CNTNAP2: variants seen among roughly 807,000 people sequenced by gnomAD.
The protein encoded by CNTNAP2 is contactin-associated protein-like 2.
In CNTNAP2, 98 loss-of-function variants were observed where a neutral mutation model predicts 155.2. The observed-to-expected ratio is 0.63, with a 90% CI of 0.54 to 0.75. The LOEUF (loss-of-function observed/expected upper bound fraction) is 0.75. Ranked by LOEUF, CNTNAP2 falls within the 30% of genes least tolerant of loss-of-function variation. The probability of loss-of-function intolerance (pLI) is 0.00; values close to 1 mark genes in which losing one functional copy is unlikely to be tolerated. For synonymous variants in CNTNAP2, 651 were observed against 631.2 expected, an observed-to-expected ratio of 1.03 and a Z score of -0.47; for missense variants, 1,727 against 1,688.1, an observed-to-expected ratio of 1.02 and a Z score of -0.40.
intron 4 of CNTNAP2, among the ~76,000 whole-genome samples, chr7:147,069,417 G>T (rs959781185): frequency 3.9e-5 from 6 of 152,176 alleles, no homozygotes; most frequent in African/African-American, 1.4e-4. Context: ...AGAAGAAGGG[G>T]ATTATACAGG....
At chr7:146,153,628 GC>G (rs1192503395) in intron 1 of CNTNAP2, among the ~76,000 whole-genome samples, 11 of 152,088 alleles carry the variant, frequency 7.2e-5, no homozygotes, top group African/African-American at 1.9e-4. Flanking sequence ...CATATGGAGG[GC>G]CTAATGAAGG....
intron 3 of CNTNAP2, among the ~76,000 whole-genome samples, chr7:146,912,266 T>G (rs1301544003): frequency 6.7e-6 from 1 of 150,270 alleles, no homozygotes; most frequent in East Asian, 1.9e-4. Flanking sequence ...GCATTAAAAA[T>G]ACATGTAACC....
intron 20 of CNTNAP2, among the ~76,000 whole-genome samples, chr7:148,234,876 C>T (rs1265187129): frequency 6.6e-6 from 1 of 152,170 alleles, no homozygotes; most frequent in Non-Finnish European, 1.5e-5. Flanking sequence ...TTCTCTGGCA[C>T]AGATACTCGG....
At chr7:147,122,568 C>A (rs1801142482) in intron 6 of CNTNAP2, 1 of 152,216 alleles carries the variant, frequency 6.6e-6, no homozygotes, top group East Asian at 1.9e-4. Flanking sequence ...TTCTAATTTT[C>A]TGTTCCACTT....
chr7:146,905,988 T>C (rs1044418234), intron 3 of CNTNAP2, among the ~76,000 whole-genome samples: 1 of 152,200 alleles, frequency 6.6e-6, no homozygotes, highest in African/African-American at 2.4e-5. Context: ...TTGCCTCACC[T>C]GGGAAGCGCA....
At chr7:147,742,610 G>A (rs1003001188) in intron 13 of CNTNAP2, among the ~76,000 whole-genome samples, 5 of 152,138 alleles carry the variant, frequency 3.3e-5, no homozygotes, top group African/African-American at 1.2e-4. Flanking sequence ...CCTATTTTGA[G>A]CCAAGAATCA....
chr7:147,867,207 A>G (rs770453355), intron 13 of CNTNAP2, among the ~76,000 whole-genome samples: 1 of 152,092 alleles, frequency 6.6e-6, no homozygotes, highest in Non-Finnish European at 1.5e-5. Context: ...TTCACTTATG[A>G]AGCTTATTTT....
chr7:146,131,133 A>G (rs1043895084), intron 1 of CNTNAP2, among the ~76,000 whole-genome samples: 1 of 152,196 alleles, frequency 6.6e-6, no homozygotes, highest in African/African-American at 2.4e-5. Context: ...GTAACCCAAC[A>G]TTTACAATAT....
chr7:146,695,213 C>T (rs970915222), intron 1 of CNTNAP2, among the ~76,000 whole-genome samples: 13 of 152,086 alleles, frequency 8.5e-5, no homozygotes, highest in African/African-American at 3.1e-4. Context: ...ATATTAACTA[C>T]AAAAACTACG....
intron 15 of CNTNAP2, among the ~76,000 whole-genome samples, chr7:148,092,430 T>C (rs1407425563): frequency 6.6e-6 from 1 of 152,176 alleles, no homozygotes; most frequent in Non-Finnish European, 1.5e-5. Flanking sequence ...TTGTGTTTTG[T>C]TCTTGCCTTG....
chr7:147,295,860 A>G (rs1170756759), intron 8 of CNTNAP2, among the ~76,000 whole-genome samples: 1 of 152,174 alleles, frequency 6.6e-6, no homozygotes, highest in Non-Finnish European at 1.5e-5. Context: ...ATCAAAGCTT[A>G]AGCTTTGATA....
rs1024764026 is a variant in CNTNAP2, at chr7:147,680,568, A to T, written c.2098+41262A>T. ...GTCTACCCTAGTGTACACCCGGAGTAGATTCAGGAAACCTAAGCCGTTGAT... is the reference window on the plus strand; with the variant it reads ...GTCTACCCTAGTGTACACCCGGAGTTGATTCAGGAAACCTAAGCCGTTGAT... On this transcript the variant is annotated intron_variant, in intron 13 of 23. Transcript: ENST00000361727. 1.4e-4 allele frequency among the ~76,000 whole-genome samples: 21 copies of T among 152,026 alleles called. 1 individual carries two copies. In the Middle Eastern group the frequency reaches 0.01, roughly 74 times the overall value.
At chr7:146,549,978 T>G (rs1389008088) in intron 1 of CNTNAP2, among the ~76,000 whole-genome samples, 3 of 152,024 alleles carry the variant, frequency 2.0e-5, no homozygotes, top group Non-Finnish European at 4.4e-5. Context: ...AGTCTGATAT[T>G]CTAAGGTTCA....
chr7:147,561,968 T>C (rs921799584), intron 11 of CNTNAP2, among the ~76,000 whole-genome samples, 170 bp from the exon 12 acceptor site: 1 of 152,196 alleles, frequency 6.6e-6, no homozygotes, highest in Admixed American at 6.5e-5. Context: ...GGAATGCTTA[T>C]AGAGAAAGAA....
At chr7:147,850,519 C>G (rs548499978) in intron 13 of CNTNAP2, among the ~76,000 whole-genome samples, 1 of 152,290 alleles carries the variant, frequency 6.6e-6, no homozygotes, top group East Asian at 1.9e-4. Context: ...TCAAACCATA[C>G]TACACTACAA....
intron 3 of CNTNAP2, among the ~76,000 whole-genome samples, chr7:146,844,334 G>A (rs1157914502): frequency 6.6e-6 from 1 of 151,994 alleles, no homozygotes; most frequent in Non-Finnish European, 1.5e-5. Flanking sequence ...TGATGATACT[G>A]AGCATAATAG....
chr7:147,287,735 T>C (rs929154883), intron 8 of CNTNAP2, among the ~76,000 whole-genome samples: 4 of 151,916 alleles, frequency 2.6e-5, no homozygotes, highest in Non-Finnish European at 5.9e-5. Context: ...CAACCTCGAC[T>C]CCCTCCCCCA....
chr7:148,213,833 A>T (rs1476388976), intron 18 of CNTNAP2, among the ~76,000 whole-genome samples: 1 of 152,152 alleles, frequency 6.6e-6, no homozygotes, highest in African/African-American at 2.4e-5. Flanking sequence ...TGAACTACTG[A>T]GGGCAGGGGT....
intron 21 of CNTNAP2, among the ~76,000 whole-genome samples, chr7:148,270,634 G>A (rs780248650): frequency 3.3e-5 from 5 of 152,216 alleles, no homozygotes; most frequent in Admixed American, 6.5e-5. Context: ...CATTGTAGAC[G>A]TATACTGCAG....
Sources: gnomAD v4.1 joint callset for allele counts (sites outside exome capture counted in the v4.1 genomes callset) on GRCh38, gnomAD v4.1.1 for gene constraint, MANE v1.5 for transcripts, NCBI Gene and HGNC (gene_info 2026-07-23, HGNC 2026-07-21) for gene names.